The following NALCN variants were observed in gnomAD, a reference collection of about 807,000 sequenced individuals.
The protein encoded by NALCN is sodium leak channel, non-selective, also known as sodium leak channel NALCN.
NALCN carries 111 observed loss-of-function variants against 225.3 expected under a neutral mutation model. The observed-to-expected ratio is 0.49, with a 90% confidence interval of 0.42 to 0.58. NALCN has a LOEUF of 0.58. NALCN is among the 20% of genes least tolerant of loss of function. The pLI, the probability that NALCN is intolerant of heterozygous loss-of-function variation, is 0.00. For synonymous variants in NALCN, 764 were observed against 769.0 expected (o/e 0.99, Z 0.11); for missense variants, 1,378 against 2,202.4 (o/e 0.63, Z 7.49).
At chr13:101,126,541 G>A (rs1288361833) in intron 17 of NALCN, among the ~76,000 whole-genome samples, 1 of 150,954 alleles carries the variant, frequency 6.6e-6, no homozygotes, top group Admixed American at 6.6e-5. Context: ...CATCCAGGCT[G>A]GAGTGCAGTG....
chr13:101,317,987 T>G (rs1322397602), intron 7 of NALCN, among the ~76,000 whole-genome samples: 1 of 152,212 alleles, frequency 6.6e-6, no homozygotes, highest in African/African-American at 2.4e-5. Context: ...TTTGTGGTTT[T>G]GTAGTATACA....
At chr13:101,206,143 A>G (rs145449067) in intron 13 of NALCN, among the ~76,000 whole-genome samples, 73 of 152,106 alleles carry the variant, frequency 4.8e-4, no homozygotes, top group Non-Finnish European at 7.4e-4. Flanking sequence ...CCTCATGCCC[A>G]ATACTTAATT....
intron 28 of NALCN, among the ~76,000 whole-genome samples, chr13:101,095,190 G>C (rs554692210): frequency 6.6e-6 from 1 of 152,130 alleles, no homozygotes; most frequent in African/African-American, 2.4e-5. Context: ...TTATGATTTA[G>C]GGTTCTATTA....
chr13:101,280,643 A>G (rs921272186), intron 10 of NALCN, among the ~76,000 whole-genome samples: 1 of 152,102 alleles, frequency 6.6e-6, no homozygotes, highest in Non-Finnish European at 1.5e-5. Context: ...TTATTTCTCT[A>G]TCACGAACTT....
At chr13:101,397,097 TA>T (rs2047323591) in intron 2 of NALCN, among the ~76,000 whole-genome samples, 7 of 68,624 alleles carry the variant, frequency 1.0e-4, no homozygotes, top group East Asian at 8.0e-4. Context: ...TATATATATA[TA>T]TATATATATA....
chr13:101,325,342 C>G (rs1026782578), intron 7 of NALCN, among the ~76,000 whole-genome samples: 1 of 152,156 alleles, frequency 6.6e-6, no homozygotes, highest in African/African-American at 2.4e-5. Context: ...GAAAGTACCC[C>G]TCCAGTGCTT....
chr13:101,060,325 G>C (rs1339216310), intron 41 of NALCN, among the ~76,000 whole-genome samples: 1 of 122,066 alleles, frequency 8.2e-6, no homozygotes, highest in African/African-American at 3.1e-5. Context: ...CCGTAGACTA[G>C]AGTTCAGTGG....
At chr13:101,164,303 G>T (rs1566367263) in intron 15 of NALCN, among the ~76,000 whole-genome samples, 1 of 151,880 alleles carries the variant, frequency 6.6e-6, no homozygotes, top group South Asian at 2.1e-4. Flanking sequence ...TTTCTTGGGG[G>T]GTTGGGGGGA....
intron 7 of NALCN, among the ~76,000 whole-genome samples, chr13:101,308,556 T>G (rs2044231563): frequency 6.6e-6 from 1 of 152,196 alleles, no homozygotes; most frequent in South Asian, 2.1e-4. Context: ...TGTGTCTTGC[T>G]TGAGCCATTG....
chr13:101,220,793 C>T (rs1014119346), intron 13 of NALCN, among the ~76,000 whole-genome samples: 1 of 152,090 alleles, frequency 6.6e-6, no homozygotes, highest in African/African-American at 2.4e-5. Flanking sequence ...TAAAAAGCAG[C>T]CTTGCCATTT....
intron 12 of NALCN, among the ~76,000 whole-genome samples, chr13:101,233,857 G>A (rs919166144): frequency 6.6e-6 from 1 of 152,138 alleles, no homozygotes; most frequent in African/African-American, 2.4e-5. Flanking sequence ...GAACCACAGC[G>A]TTTTGCAAGA....
chr13:101,387,255 C>G (rs954898442), intron 3 of NALCN, among the ~76,000 whole-genome samples: 4 of 85,114 alleles, frequency 4.7e-5, no homozygotes, highest in Non-Finnish European at 9.3e-5. Context: ...AAAAAAAAAA[C>G]AGGTTAGCAT....
chr13:101,061,172 T>C (rs757467240), intron 41 of NALCN, among the ~76,000 whole-genome samples: 13 of 152,224 alleles, frequency 8.5e-5, no homozygotes, highest in Non-Finnish European at 1.5e-4. Flanking sequence ...TTCATTAATT[T>C]ATGAGTTAGA....
intron 17 of NALCN, among the ~76,000 whole-genome samples, chr13:101,135,946 T>C (rs903317718): frequency 6.6e-6 from 1 of 152,318 alleles, no homozygotes; most frequent in East Asian, 1.9e-4. Flanking sequence ...AAATTACCTA[T>C]AAAAAATTCT....
In NALCN at chr13:101,364,961, T is replaced by C. The variant is rs190615152; in HGVS notation, c.644+11739A>G. 3.6e-3 allele frequency among the ~76,000 whole-genome samples: 552 copies of C among 152,314 alleles called. 1 individual carries two copies. Among genetic ancestry groups the C allele is most frequent in the Non-Finnish European group, 6.1e-3 (412 of 68,008 alleles). ...GGGGCAATTATGATTTTACATATTC[T>C]ACAAAACTGTCTCTTGATAAAGTCC... On this transcript the variant is annotated intron_variant, in intron 6 of 43. Coordinates refer to ENST00000251127, the MANE Select transcript of NALCN (RefSeq NM_052867.4).
At chr13:101,182,908 T>C (rs2039297750) in intron 14 of NALCN, among the ~76,000 whole-genome samples, 1 of 152,214 alleles carries the variant, frequency 6.6e-6, no homozygotes, top group South Asian at 2.1e-4. Context: ...GAAGGAAGAA[T>C]GGCAGCTTGG....
At chr13:101,295,557 T>C (rs1287073945) in intron 7 of NALCN, among the ~76,000 whole-genome samples, 4 of 152,284 alleles carry the variant, frequency 2.6e-5, no homozygotes, top group Middle Eastern at 3.4e-3. Context: ...ATTGAACTAG[T>C]AGCCTTGAAA....
intron 18 of NALCN, among the ~76,000 whole-genome samples, chr13:101,115,285 G>T (rs765041164): frequency 1.3e-5 from 2 of 151,954 alleles, no homozygotes; most frequent in Admixed American, 6.6e-5. Flanking sequence ...TGCTTCTTAC[G>T]ACTAAAAACT....
Position 101,378,575 on chromosome 13 carries a change from G to A in NALCN, c.370C>T (p.Leu124=). 2 of 1,604,718 alleles carry A rather than the reference G, an allele frequency of 1.2e-6. No homozygotes were observed. Among genetic ancestry groups the A allele is most frequent in the Admixed American group, 1.7e-5 (1 of 59,564 alleles). The change falls in exon 4 of 44, where the codon CTA becomes TTA. Residue 124 remains leucine, a synonymous_variant. Transcript: ENST00000251127. ...MVFCLWVSLV[L]QVFEIADIVD... is the part of the protein sequence containing the mutation. ...TTTAAAAAATATTTAATTACCTGTA[G>A]CACCAAAGAAACCCAAAGGCAAAAG...
Sources: gnomAD v4.1 joint callset for allele counts (sites outside exome capture counted in the v4.1 genomes callset) on GRCh38, gnomAD v4.1.1 for gene constraint, MANE v1.5 for transcripts, NCBI Gene and HGNC (gene_info 2026-07-23, HGNC 2026-07-21) for gene names.